The following SH3BP4 variants were observed in gnomAD, a reference collection of about 807,000 sequenced individuals.
The protein encoded by SH3BP4 is SH3 domain-binding protein 4.
Under a neutral mutation model 65.5 loss-of-function variants are expected in SH3BP4, and 33 were observed. That is an observed-to-expected ratio of 0.50 (90% CI 0.38 to 0.67). The LOEUF (loss-of-function observed/expected upper bound fraction) is 0.67. Ranked by LOEUF, SH3BP4 falls within the 30% of genes least tolerant of loss-of-function variation. The pLI is 0.00. For missense variants in SH3BP4, 1,134 were observed against 1,261.4 expected (o/e 0.90, Z 1.53); for synonymous variants, 552 against 545.5 (o/e 1.01, Z -0.17).
Position 235,053,664 on chromosome 2 carries a change from A to T in SH3BP4, c.2740A>T (p.Ile914Phe). 6.2e-7 allele frequency: 1 copy of T among 1,614,180 alleles called. No individual in the cohort carries two copies. The highest frequency in any genetic ancestry group is 8.5e-7 in the Non-Finnish European group (1 of 1,180,014). ...HQIGDSYRDV[I>F]QELHLGLDKM... is the part of the protein sequence containing the mutation. The stretch of plus-strand genomic sequence containing the variant: ...GATCGGGGACAGCTACCGGGATGTC[A>T]TCCAGGAGCTGCACCTGGGCCTGGA... The change falls in exon 6 of 6, where the codon ATC becomes TTC. Residue 914 changes from isoleucine (I) to phenylalanine (F), a missense_variant. Physicochemically the swap from Ile to Phe is conservative, Grantham distance 21. Transcript: ENST00000392011.
intron 1 of SH3BP4, among the ~76,000 whole-genome samples, chr2:234,969,893 A>G (rs538072588): frequency 2.7e-5 from 4 of 149,500 alleles, no homozygotes; most frequent in African/African-American, 1.0e-4. Context: ...GCTGTCTCTC[A>G]CACACACACT....
In SH3BP4 at chr2:234,959,797, G is replaced by A. The variant is rs374260626; in HGVS notation, c.-207+7627G>A. On this transcript the variant is annotated intron_variant, in intron 1 of 5. Transcript: ENST00000392011. ...CCCCCAAGTAGCTGGGATTACAGGC[G>A]CATGCCACCATGCCTGGCTAATTTT... 2.2e-4 allele frequency among the ~76,000 whole-genome samples: 33 copies of A among 151,958 alleles called. No individual in the cohort carries two copies. The East Asian group carries it at 5.1e-3, about 23-fold the overall frequency.
chr2:234,955,719 T>G (rs1692570976), intron 1 of SH3BP4, among the ~76,000 whole-genome samples: 1 of 152,164 alleles, frequency 6.6e-6, no homozygotes, highest in Non-Finnish European at 1.5e-5. Flanking sequence ...AATTGCTGTA[T>G]GGAATTCCTC....
chr2:235,028,321 C>T (rs1352158012), intron 2 of SH3BP4, among the ~76,000 whole-genome samples: 1 of 152,178 alleles, frequency 6.6e-6, no homozygotes, highest in Admixed American at 6.5e-5. Flanking sequence ...ACCACTGGGA[C>T]CTGCTGAGTA....
At chr2:234,975,441 T>G (rs1281561651) in intron 1 of SH3BP4, among the ~76,000 whole-genome samples, 1 of 152,178 alleles carries the variant, frequency 6.6e-6, no homozygotes, top group East Asian at 1.9e-4. Context: ...TCCCATCGTC[T>G]AATGTGGCTT....
At chr2:235,004,560 CT>C (rs1156471751) in intron 2 of SH3BP4, among the ~76,000 whole-genome samples, 1 of 152,198 alleles carries the variant, frequency 6.6e-6, no homozygotes, top group Non-Finnish European at 1.5e-5. Flanking sequence ...CACTGCTCTG[CT>C]TTCGGTTTCT....
At chr2:234,966,243 C>T (rs1199334645) in intron 1 of SH3BP4, among the ~76,000 whole-genome samples, 2 of 152,178 alleles carry the variant, frequency 1.3e-5, no homozygotes, top group Non-Finnish European at 2.9e-5. Context: ...CCAGGCCTGG[C>T]CTGTAATCCC....
At chr2:234,956,413 A>G (rs1222640334) in intron 1 of SH3BP4, among the ~76,000 whole-genome samples, 1 of 152,228 alleles carries the variant, frequency 6.6e-6, no homozygotes, top group Non-Finnish European at 1.5e-5. Context: ...TATCTGCGCA[A>G]TAAAAGCTTA....
rs1026369617 is a variant in SH3BP4, at chr2:235,030,004, G to A, written c.-132-4867G>A. Among the ~76,000 whole-genome samples the A allele has an allele frequency of 1.3e-4, 20 of 152,218 alleles. No homozygotes were observed. Among genetic ancestry groups the A allele is most frequent in the Non-Finnish European group, 2.1e-4 (14 of 68,030 alleles). On this transcript the variant is annotated intron_variant, in intron 2 of 5. Transcript: ENST00000392011. This position sits in a 1 kb window ranked among gnomAD's most constrained non-coding sequence, Gnocchi z 4.1. ...AGCTGGAGACACAGCAAGTTCCAGC[G>A]AATGTGGCCAGTGATTGATTGAAGG...
chr2:235,051,225 C>T (rs1365401124), intron 4 of SH3BP4, among the ~76,000 whole-genome samples: 1 of 152,162 alleles, frequency 6.6e-6, no homozygotes, highest in African/African-American at 2.4e-5. Context: ...TAGGATGGCG[C>T]CAGAGTCGCT....
At chr2:234,995,697 C>T (rs975026031) in intron 2 of SH3BP4, 3 of 152,302 alleles carry the variant, frequency 2.0e-5, no homozygotes, top group Admixed American at 2.0e-4. Context: ...TTCAGCGAAT[C>T]CACTTTCTGT....
intron 1 of SH3BP4, chr2:234,981,624 C>T (rs1487119639): frequency 6.6e-6 from 1 of 152,204 alleles, no homozygotes; most frequent in African/African-American, 2.4e-5. Flanking sequence ...GCCATTCAGT[C>T]GCAGTTGGCT....
intron 2 of SH3BP4, among the ~76,000 whole-genome samples, chr2:235,005,467 A>ACTGTTGTAAATTGTCCCTTTC (rs1694265285): frequency 1.3e-5 from 2 of 151,754 alleles, no homozygotes; most frequent in Non-Finnish European, 2.9e-5. Context: ...GGGTCCCTTC[A>ACTGTTGTAAATTGTCCCTTTC]CTGTTGTAAA....
chr2:234,968,626 G>T (rs556716400), intron 1 of SH3BP4, among the ~76,000 whole-genome samples: 1 of 151,952 alleles, frequency 6.6e-6, no homozygotes, highest in Non-Finnish European at 1.5e-5. Context: ...CGTATTTCAC[G>T]TCGCATGCCA....
intron 2 of SH3BP4, among the ~76,000 whole-genome samples, chr2:235,002,999 G>C (rs991542822): frequency 6.6e-6 from 1 of 152,280 alleles, no homozygotes; most frequent in Non-Finnish European, 1.5e-5. Flanking sequence ...GAAGTAACTT[G>C]AACCTGGCTG....
chr2:234,982,067 G>A lies in SH3BP4; in HGVS notation c.-206-13236G>A, dbSNP rs114358369. On this transcript the variant is annotated intron_variant, in intron 1 of 5. Coordinates refer to ENST00000392011, the MANE Select transcript of SH3BP4 (RefSeq NM_014521.3). ...GAGCAAATACAAATGCAGAATACCC[G>A]GGTCCATTTGAATATCCGGGGTAAT... 3.9e-3 allele frequency among the ~76,000 whole-genome samples: 594 copies of A among 152,218 alleles called. 5 individuals are homozygous for A. Among genetic ancestry groups the A allele is most frequent in the African/African-American group, 0.013 (558 of 41,516 alleles).
chr2:235,035,207 T>A lies in SH3BP4; in HGVS notation c.118+87T>A, dbSNP rs1574838177. ...CCAAGAACTTTTCTGCTTTAAAGAT[T>A]GCCAGTTTAGCATTCAGATAGTTAA... On this transcript the variant is annotated intron_variant, in intron 3 of 5. Coordinates refer to ENST00000392011, the MANE Select transcript of SH3BP4 (RefSeq NM_014521.3). The surrounding 1 kb of genome is among the most constrained non-coding windows in gnomAD (Gnocchi z 5.0). 1 of 956,988 alleles carries A rather than the reference T, an allele frequency of 1.0e-6. No individual in the cohort carries two copies. Among genetic ancestry groups the A allele is most frequent in the Non-Finnish European group, 1.7e-6 (1 of 588,286 alleles). 59.3% of individuals were successfully genotyped at this position (956,988 alleles called of 1,614,324 possible).
At chr2:235,012,652 A>G (rs370989749) in intron 2 of SH3BP4, among the ~76,000 whole-genome samples, 4 of 152,194 alleles carry the variant, frequency 2.6e-5, no homozygotes, top group East Asian at 3.9e-4. Flanking sequence ...CAGTGCCTGC[A>G]GGGTGCAACA....
chr2:235,043,820 A>G (rs1246630638), intron 4 of SH3BP4, among the ~76,000 whole-genome samples: 1 of 152,278 alleles, frequency 6.6e-6, no homozygotes, highest in South Asian at 2.1e-4. Flanking sequence ...TGCCTGGGAT[A>G]TACGTGTGGG....
Sources: allele counts gnomAD v4.1 joint callset (sites outside exome capture counted in the v4.1 genomes callset), GRCh38; gene constraint gnomAD v4.1.1; non-coding constraint Gnocchi (gnomAD v3.1); transcripts MANE v1.5; gene names NCBI Gene and HGNC (gene_info 2026-07-23, HGNC 2026-07-21).